Variants in ASL observed in about 807,000 individuals in gnomAD.
ASL encodes argininosuccinate lyase.
Under a neutral mutation model 69.1 loss-of-function variants are expected in ASL, and 51 were observed. The ratio of observed to expected loss-of-function variants is 0.74; its 90% CI spans 0.59 to 0.93. ASL has a LOEUF of 0.93. ASL is among the 40% of genes least tolerant of loss of function. The pLI, the probability that ASL is intolerant of heterozygous loss-of-function variation, is 0.00. For missense variants in ASL, 540 were observed against 623.9 expected, an observed-to-expected ratio of 0.87 and a Z score of 1.43; for synonymous variants, 241 against 247.6, an observed-to-expected ratio of 0.97 and a Z score of 0.25.
chr7:66,089,289 T>C lies in ASL; in HGVS notation c.932T>C (p.Leu311Pro). ...CTCTTCCCGCAGTGTGCCGGGCTCC[T>C]GATGACCCTCAAGGGACTTCCCAGC... ...GRVFGRCAGL[L>P]MTLKGLPSTY... Residue 311 changes from leucine to proline, a missense_variant, in exon 13 of 17, where the codon CTG becomes CCG. By Grantham distance (98) the Leu-to-Pro change is moderately conservative. Coordinates refer to ENST00000304874, the MANE Select transcript of ASL (RefSeq NM_000048.4). 1 of 1,610,308 alleles carries C rather than the reference T, an allele frequency of 6.2e-7. No homozygotes were observed. The highest frequency in any genetic ancestry group is 1.3e-5 in the African/African-American group (1 of 74,974).
At chr7:66,082,288 T>C in intron 3 of ASL, 80 bp from the exon 4 acceptor site, 1 of 1,405,832 alleles carries the variant, frequency 7.1e-7, no homozygotes, top group East Asian at 2.4e-5. Flanking sequence ...TCACCAGGGA[T>C]AGGGTGGGAC....
chr7:66,077,341 C>T (rs1372434005), intron 2 of ASL, among the ~76,000 whole-genome samples: 1 of 152,026 alleles, frequency 6.6e-6, no homozygotes, highest in Non-Finnish European at 1.5e-5. Flanking sequence ...ATGAGGATTG[C>T]TTGAGCCCAG....
chr7:66,087,021 C>A, intron 8 of ASL, 200 bp downstream of exon 8: 1 of 727,824 alleles, frequency 1.4e-6, no homozygotes, highest in Non-Finnish European at 2.2e-6. Flanking sequence ...AGCCCTCCAG[C>A]AAGGCTCCTG....
At chr7:66,091,656 C>A (rs1175049432) in intron 14 of ASL, 2 of 318,640 alleles carry the variant, frequency 6.3e-6, no homozygotes, top group East Asian at 7.3e-5. Flanking sequence ...TGAGTCCAGG[C>A]TGCAGAGGGC....
chr7:66,087,825 C>T, intron 10 of ASL, 34 bp downstream of exon 10: 1 of 1,613,274 alleles, frequency 6.2e-7, no homozygotes, highest in Non-Finnish European at 8.5e-7. Context: ...CTGCCCTGTG[C>T]CTCACTTTAG....
intron 6 of ASL, among the ~76,000 whole-genome samples, chr7:66,085,481 CA>C (rs1786633636): frequency 6.6e-6 from 1 of 151,002 alleles, no homozygotes; most frequent in Non-Finnish European, 1.5e-5. Flanking sequence ...TCAAAAACAA[CA>C]ACAACAAAAA....
At position 66,084,164 on chromosome 7, in the gene ASL, G is replaced by GT. The variant is rs77255762; in HGVS notation, c.446+1003dup. Among the ~76,000 whole-genome samples the GT allele has an allele frequency of 7.0e-3, 984 of 141,070 alleles. 8 individuals are homozygous for GT. The highest frequency in any genetic ancestry group is 0.017 in the African/African-American group (646 of 38,042). 92.5% of individuals were successfully genotyped at this position (141,070 alleles called of 152,430 possible). ...TTTTTTGTTGTTGTTGTTTGTTGTT[G>GT]TTTTTTTTTTTTTGAGACAGGGTTT... is the stretch of plus-strand genomic sequence containing the variant. On this transcript the variant is annotated intron_variant, in intron 6 of 16. Transcript: ENST00000304874.
chr7:66,089,433 A>G, intron 13 of ASL, 98 bp downstream of exon 13: 5 of 1,497,806 alleles, frequency 3.3e-6, no homozygotes. Context: ...ACATCCTCCC[A>G]TCCTGTGCAC....
intron 10 of ASL, 114 bp downstream of exon 10, chr7:66,087,905 A>T (rs1260153670): frequency 2.9e-6 from 4 of 1,362,116 alleles, no homozygotes; most frequent in Non-Finnish European, 4.1e-6. Context: ...GTGATATTGT[A>T]CACTGAAGTA....
intron 6 of ASL, among the ~76,000 whole-genome samples, chr7:66,084,848 C>T (rs1786613974): frequency 6.6e-6 from 1 of 151,984 alleles, no homozygotes; most frequent in Admixed American, 6.6e-5. Flanking sequence ...CTCAATCTCC[C>T]GACCTCATGA....
At position 66,089,677 on chromosome 7, in the gene ASL, C is replaced by G; in HGVS notation, c.1044C>G (p.Gly348=). Residue 348 remains glycine (G), a synonymous_variant, in exon 14 of 17, where the codon GGC becomes GGG. Coordinates refer to ENST00000304874, the MANE Select transcript of ASL (RefSeq NM_000048.4). ...TMSAVLQVAT[G]VISTLQIHQE... is the part of the protein sequence containing the mutation. Reference sequence around the variant, plus strand: ...GTGCCGTGCTCCAGGTGGCCACTGGCGTCATCTCTACGCTGCAGGCAAGAC... The same window carrying G: ...GTGCCGTGCTCCAGGTGGCCACTGGGGTCATCTCTACGCTGCAGGCAAGAC... 2 of 1,613,512 alleles carry G rather than the reference C, an allele frequency of 1.2e-6. No homozygotes were observed. Among genetic ancestry groups the G allele is most frequent in the Non-Finnish European group, 1.7e-6 (2 of 1,179,760 alleles).
chr7:66,086,663 G>A lies in ASL; in HGVS notation c.524+1G>A. 1 of 1,613,836 alleles carries A rather than the reference G, an allele frequency of 6.2e-7. No homozygotes were observed. The highest frequency in any genetic ancestry group is 2.2e-5 in the East Asian group (1 of 44,880). On this transcript the variant is annotated splice_donor_variant, in intron 7 of 16. Transcript: ENST00000304874. LOFTEE classifies it high-confidence loss of function. ...TCCGCTGGAGCCACTGGATTCTGAG[G>A]TGAGCCAGGTGAGGTGCAGGGGCTG...
At position 66,092,014 on chromosome 7, in the gene ASL, A is replaced by G. The variant is rs1429384305; in HGVS notation, c.1071A>G (p.Gln357=). ...CCCACCTGTGCCCCCAGATTCACCAAGAGAACATGGGACAGGCTCTCAGCC... is the reference window on the plus strand; with the variant it reads ...CCCACCTGTGCCCCCAGATTCACCAGGAGAACATGGGACAGGCTCTCAGCC... ...TGVISTLQIH[Q]ENMGQALSPD... is the part of the protein sequence containing the mutation. The change falls in exon 15 of 17, where the codon CAA becomes CAG. Residue 357 remains glutamine (Q), a synonymous_variant. Coordinates refer to ENST00000304874, the MANE Select transcript of ASL (RefSeq NM_000048.4). 6.2e-7 allele frequency: 1 copy of G among 1,613,560 alleles called. No individual in the cohort carries two copies. Among genetic ancestry groups the G allele is most frequent in the East Asian group, 2.2e-5 (1 of 44,876 alleles).
chr7:66,082,539 C>A lies in ASL; in HGVS notation c.291+88C>A, dbSNP rs937926250. 2.8e-6 allele frequency: 4 copies of A among 1,428,906 alleles called. No individual in the cohort carries two copies. The African/African-American group carries it at 4.2e-5, about 15-fold the overall frequency. The allele number at this position is 1,428,906 out of a possible 1,614,324, so 88.5% of individuals were successfully genotyped here. A position where few individuals can be genotyped will look rare whatever the true frequency, so the allele number is the denominator to read the frequency against. ...TTGAGCATTAGCACCATTCTGTTTACTTCGCCATTGGCAGACAGCATGTGA... is the reference window on the plus strand; with the variant it reads ...TTGAGCATTAGCACCATTCTGTTTAATTCGCCATTGGCAGACAGCATGTGA... On this transcript the variant is annotated intron_variant, in intron 4 of 16. Transcript: ENST00000304874.
intron 8 of ASL, chr7:66,087,082 A>G (rs1162270266): frequency 4.7e-6 from 3 of 640,720 alleles, no homozygotes; most frequent in Non-Finnish European, 8.2e-6. Flanking sequence ...ATGTGTCAGG[A>G]GACAAGTGTC....
Position 66,087,902 on chromosome 7 carries a change from T to C in ASL, c.718+111T>C, listed in dbSNP as rs1017486414. On this transcript the variant is annotated intron_variant, in intron 10 of 16. Transcript: ENST00000304874. ...ACGGACAGGCTGGTTGTGGTGATAT[T>C]GTACACTGAAGTATAAACCTTAAAT... 4.3e-6 allele frequency: 6 copies of C among 1,395,950 alleles called. No individual in the cohort carries two copies. The African/African-American group carries it at 7.1e-5, about 17-fold the overall frequency. The allele number at this position is 1,395,950 out of a possible 1,614,324, so 86.5% of individuals were successfully genotyped here.
chr7:66,085,648 C>T (rs1786640145), intron 6 of ASL, among the ~76,000 whole-genome samples: 1 of 151,348 alleles, frequency 6.6e-6, no homozygotes, highest in South Asian at 2.1e-4. Context: ...CGCTCTGTCG[C>T]CCAGGCTGAA....
Position 66,086,804 on chromosome 7 carries a change from T to C in ASL, c.585T>C (p.Asn195=), listed in dbSNP as rs772416006. 14 of 1,584,356 alleles carry C rather than the reference T, an allele frequency of 8.8e-6. No individual in the cohort carries two copies. Among genetic ancestry groups the C allele is most frequent in the South Asian group, 1.1e-5 (1 of 87,594 alleles). Residue 195 remains asparagine, a synonymous_variant, in exon 8 of 17, where the codon AAT becomes AAC. Coordinates refer to ENST00000304874, the MANE Select transcript of ASL (RefSeq NM_000048.4). ...ERLLEVRKRI[N]VLPLGSGAIA... ...TGCTGGAGGTGCGGAAGCGGATCAA[T>C]GTCCTGCCCCTGGGGAGGTGGGTGA...
intron 2 of ASL, among the ~76,000 whole-genome samples, chr7:66,080,839 G>T (rs1786484595): frequency 6.6e-6 from 1 of 152,140 alleles, no homozygotes; most frequent in South Asian, 2.1e-4. Context: ...GGGGTGTCAG[G>T]GTGCTTTTCA....
Sources: allele counts gnomAD v4.1 joint callset (sites outside exome capture counted in the v4.1 genomes callset), GRCh38; gene constraint gnomAD v4.1.1; transcripts MANE v1.5; gene names NCBI Gene and HGNC (gene_info 2026-07-23, HGNC 2026-07-21).